The following TPSG1 variants were observed in gnomAD, a reference collection of about 807,000 sequenced individuals.
TPSG1 encodes tryptase gamma.
A neutral mutation model predicts 23.8 loss-of-function variants in TPSG1; 43 were observed. That is an observed-to-expected ratio of 1.81 (90% CI 1.42 to 2.33). TPSG1 has a LOEUF of 2.33. Among genes scored for constraint, TPSG1 ranks in the 30% most tolerant of loss-of-function variants. The pLI, the probability that TPSG1 is intolerant of heterozygous loss-of-function variation, is 0.00. For synonymous variants in TPSG1, 302 were observed against 201.3 expected (o/e 1.50, Z -4.23); for missense variants, 623 against 438.6 (o/e 1.42, Z -3.75).
chr16:1,223,704 C>T (rs536021851), intron 2 of TPSG1, 110 bp from the exon 3 acceptor site: 138 of 1,289,774 alleles, frequency 1.1e-4, no homozygotes, highest in Admixed American at 1.4e-4. Context: ...GGACTTTGCT[C>T]TTCAGCTCTC....
In TPSG1 at chr16:1,221,958, G is replaced by T. The variant is rs146886017; in HGVS notation, c.796C>A (p.Arg266Ser). The T allele has an allele frequency of 6.2e-7, 1 of 1,612,106 alleles. No individual in the cohort carries two copies. The highest frequency in any genetic ancestry group is 8.5e-7 in the Non-Finnish European group (1 of 1,179,492). Reference sequence around the variant, plus strand: ...CCCCCTGATGCTGTGATGTGGCGGCGGATCCAGTTCACGTAGGCAGGGACA... The same window carrying T: ...CCCCCTGATGCTGTGATGTGGCGGCTGATCCAGTTCACGTAGGCAGGGACA... The part of the protein sequence containing the change: ...TRVPAYVNWI[R>S]RHITASGGSE... Residue 266 changes from arginine (R) to serine (S), a missense_variant, in exon 6 of 6, where the codon CGC becomes AGC. Arg to Ser is a moderately radical substitution (Grantham distance 110). Coordinates refer to ENST00000234798, the MANE Select transcript of TPSG1 (RefSeq NM_012467.4).
Position 1,222,731 on chromosome 16 carries a change from G to C in TPSG1, c.432C>G (p.Val144=). The part of the protein sequence containing the change: ...PVTLSSRILP[V]CLPEASDDFC... The stretch of plus-strand genomic sequence containing the variant: ...AGTCATCTGAGGCCTCCGGGAGGCA[G>C]ACGGGCAGGATCCGGCTGGAGAGGG... The change falls in exon 4 of 6, where the codon GTC becomes GTG. Residue 144 remains valine, a synonymous_variant. Transcript: ENST00000234798. 6.2e-7 allele frequency: 1 copy of C among 1,610,870 alleles called. No individual in the cohort carries two copies. The highest frequency in any genetic ancestry group is 8.5e-7 in the Non-Finnish European group (1 of 1,178,364).
At position 1,222,296 on chromosome 16, in the gene TPSG1, A is replaced by C; in HGVS notation, c.557T>G (p.Val186Gly). 6.2e-7 allele frequency: 1 copy of C among 1,610,542 alleles called. No individual in the cohort carries two copies. The highest frequency in any genetic ancestry group is 8.5e-7 in the Non-Finnish European group (1 of 1,179,094). ...CCGGCGGCAGGTCTCTGTGTCCACC[A>C]CGGAGACTTTCACCTCCCGCAGGCT... ...PYSLREVKVS[V>G]VDTETCRRDY... is the part of the protein sequence containing the mutation. The change falls in exon 5 of 6, where the codon GTG (valine) becomes GGG (glycine). Residue 186 changes from valine to glycine, a missense_variant. By Grantham distance (109) the Val-to-Gly change is moderately radical. Coordinates refer to ENST00000234798, the MANE Select transcript of TPSG1 (RefSeq NM_012467.4).
chr16:1,223,915 A>T, intron 2 of TPSG1: 1 of 380,120 alleles, frequency 2.6e-6, no homozygotes, highest in Non-Finnish European at 4.7e-6. Context: ...GCCCCCGAGA[A>T]GGCCCGGGGT....
Position 1,222,724 on chromosome 16 carries a change from G to A in TPSG1, c.439C>T (p.Pro147Ser), listed in dbSNP as rs982043400. 6.2e-6 allele frequency: 10 copies of A among 1,610,314 alleles called. No individual in the cohort carries two copies. The highest frequency in any genetic ancestry group is 3.3e-5 in the Admixed American group (2 of 59,942). The change falls in exon 4 of 6, where the codon CCG becomes TCG. Residue 147 changes from proline to serine, a missense_variant. Transcript: ENST00000234798. ...LSSRILPVCLPEASDDFCPGI... is the reference protein window; with the variant it reads ...LSSRILPVCLSEASDDFCPGI... ...GGGCAGAAGTCATCTGAGGCCTCCG[G>A]GAGGCAGACGGGCAGGATCCGGCTG... is the stretch of plus-strand genomic sequence containing the variant.
intron 2 of TPSG1, 27 bp downstream of exon 2, chr16:1,224,575 C>A: frequency 6.2e-7 from 1 of 1,613,566 alleles, no homozygotes; most frequent in Non-Finnish European, 8.5e-7. Context: ...CACCCTCCCC[C>A]ACACCCCACA....
chr16:1,222,437 A>G lies in TPSG1; in HGVS notation c.512-96T>C, dbSNP rs937985076. 6.2e-6 allele frequency: 8 copies of G among 1,282,772 alleles called. No individual in the cohort carries two copies. The Admixed American group carries it at 1.1e-4, about 18-fold the overall frequency. 79.5% of individuals were successfully genotyped at this position (1,282,772 alleles called of 1,614,324 possible). On this transcript the variant is annotated intron_variant, in intron 4 of 5. Transcript: ENST00000234798. Reference sequence around the variant, plus strand: ...TGCCAGACACAAGTCCCATGCCACCACGACCCTCGTCACGGCACGTGGGTT... The same window carrying G: ...TGCCAGACACAAGTCCCATGCCACCGCGACCCTCGTCACGGCACGTGGGTT...
At position 1,222,116 on chromosome 16, in the gene TPSG1, G is replaced by A. The variant is rs1248058600; in HGVS notation, c.658-20C>T. On this transcript the variant is annotated intron_variant, in intron 5 of 5. Transcript: ENST00000234798. Reference sequence around the variant, plus strand: ...GTCGTCCTGAGGACAGAGAAGGCGAGCATTGGGAGCCGAGAAGATGGGGAG... The same window carrying A: ...GTCGTCCTGAGGACAGAGAAGGCGAACATTGGGAGCCGAGAAGATGGGGAG... The A allele has an allele frequency of 1.9e-6, 3 of 1,612,434 alleles. No individual in the cohort carries two copies. Among genetic ancestry groups the A allele is most frequent in the African/African-American group, 1.3e-5 (1 of 74,932 alleles).
intron 1 of TPSG1, 67 bp downstream of exon 1, chr16:1,225,140 C>A (rs555802214): frequency 6.5e-7 from 1 of 1,528,662 alleles, no homozygotes; most frequent in South Asian, 1.2e-5. Flanking sequence ...CCCAGTTTCA[C>A]CCCCATCAGG....
rs114295807 is a variant in TPSG1, at chr16:1,223,910, C to T, written c.74-316G>A. On this transcript the variant is annotated intron_variant, in intron 2 of 5. Coordinates refer to ENST00000234798, the MANE Select transcript of TPSG1 (RefSeq NM_012467.4). Reference sequence around the variant, plus strand: ...AAGGGGCTCAGAACGGTGGAGCCCCCGAGAAGGCCCGGGGTGCTGGGGGTG... The same window carrying T: ...AAGGGGCTCAGAACGGTGGAGCCCCTGAGAAGGCCCGGGGTGCTGGGGGTG... The T allele has an allele frequency of 1.9e-3, 757 of 408,576 alleles. 4 individuals are homozygous for T. The highest frequency in any genetic ancestry group is 0.014 in the African/African-American group (656 of 47,012). 25.3% of individuals were successfully genotyped at this position (408,576 alleles called of 1,614,324 possible).
intron 4 of TPSG1, 94 bp downstream of exon 4, chr16:1,222,558 A>G: frequency 3.4e-6 from 5 of 1,481,574 alleles, no homozygotes; most frequent in Non-Finnish European, 4.5e-6. Context: ...GGAAGCCACC[A>G]GGAGCAGGTG....
chr16:1,222,413 G>T, intron 4 of TPSG1, 72 bp from the exon 5 acceptor site: 2 of 1,380,330 alleles, frequency 1.4e-6, no homozygotes, highest in Non-Finnish European at 2.0e-6. Context: ...GGGAGACCTT[G>T]CCAGACACAA....
chr16:1,223,708 A>C, intron 2 of TPSG1, 114 bp from the exon 3 acceptor site: 1 of 1,275,838 alleles, frequency 7.8e-7, no homozygotes, highest in South Asian at 1.4e-5. Context: ...TTTGCTCTTC[A>C]GCTCTCTCGT....
chr16:1,223,849 G>A (rs75256326), intron 2 of TPSG1: 24 of 518,484 alleles, frequency 4.6e-5, no homozygotes, highest in African/African-American at 1.2e-4. Flanking sequence ...TCCCGGAGGC[G>A]GTGGAAAGGC....
intron 1 of TPSG1, among the ~76,000 whole-genome samples, 155 bp downstream of exon 1, chr16:1,225,052 A>C (rs1356487745): frequency 1.3e-5 from 2 of 150,030 alleles, no homozygotes; most frequent in East Asian, 4.0e-4. Context: ...GCCTCCAGCC[A>C]GGGGTGCAGT....
At chr16:1,222,540 C>G (rs1970547070) in intron 4 of TPSG1, 112 bp downstream of exon 4, 4 of 1,448,556 alleles carry the variant, frequency 2.8e-6, no homozygotes, top group Non-Finnish European at 2.8e-6. Flanking sequence ...GCGGCCTTGG[C>G]TGGGTGTGGA....
rs577899869 is a variant in TPSG1 at position 1,224,438 on chromosome 16, C to T, written c.73+164G>A. 3.6e-4 allele frequency among the ~76,000 whole-genome samples: 55 copies of T among 152,240 alleles called. 1 individual carries two copies. Among genetic ancestry groups the T allele is most frequent in the Non-Finnish European group, 6.6e-4 (45 of 68,000 alleles). ...GGGGAGACAGCCCTGCAGCACACCC[C>T]GACCAGCCCCACTCAACCGAGAGAT... On this transcript the variant is annotated intron_variant, in intron 2 of 5. Transcript: ENST00000234798.
In TPSG1 at chr16:1,221,802, G is replaced by A; in HGVS notation, c.952C>T (p.Pro318Ser). 1 of 1,605,340 alleles carries A rather than the reference G, an allele frequency of 6.2e-7. No homozygotes were observed. Among genetic ancestry groups the A allele is most frequent in the South Asian group, 1.1e-5 (1 of 90,538 alleles). The change falls in exon 6 of 6, where the codon CCC (proline) becomes TCC (serine). Residue 318 changes from proline (P) to serine (S), a missense_variant. Coordinates refer to ENST00000234798, the MANE Select transcript of TPSG1 (RefSeq NM_012467.4). ...LHPSADGTPF[P>S]APD is the part of the protein sequence containing the mutation. ...GATTCCTGCCATCAGTCAGGGGCGGGGAAGGGAGTACCATCCGCAGATGGG... is the reference window on the plus strand; with the variant it reads ...GATTCCTGCCATCAGTCAGGGGCGGAGAAGGGAGTACCATCCGCAGATGGG...
At position 1,223,604 on chromosome 16, in the gene TPSG1, A is replaced by G. The variant is rs986953049; in HGVS notation, c.74-10T>C. On this transcript the variant is annotated splice_polypyrimidine_tract_variant and intron_variant, in intron 2 of 5. Coordinates refer to ENST00000234798, the MANE Select transcript of TPSG1 (RefSeq NM_012467.4). ...TGCGGCCGGCCACACCCTAAGTCGA[A>G]GGAGGAAGGGGTGCCTGGTGGGGAT... 5.2e-6 allele frequency: 8 copies of G among 1,535,740 alleles called. No homozygotes were observed. The African/African-American group carries it at 9.7e-5, about 19-fold the overall frequency.
Sources: allele counts gnomAD v4.1 joint callset (sites outside exome capture counted in the v4.1 genomes callset), GRCh38; gene constraint gnomAD v4.1.1; transcripts MANE v1.5; gene names NCBI Gene and HGNC (gene_info 2026-07-23, HGNC 2026-07-21).